The following DDC variants were observed in gnomAD, a reference collection of about 807,000 sequenced individuals.
The protein encoded by DDC is dopa decarboxylase.
In DDC, 43 loss-of-function variants were observed where a neutral mutation model predicts 60.0. That is an observed-to-expected ratio of 0.72 (90% CI 0.56 to 0.92). The LOEUF is 0.92. Ranked by LOEUF, DDC falls within the 40% of genes least tolerant of loss-of-function variation. The probability of loss-of-function intolerance (pLI) is 0.00; values close to 1 mark genes in which losing one functional copy is unlikely to be tolerated. For missense variants in DDC, 573 were observed against 620.2 expected (o/e 0.92, Z 0.81); for synonymous variants, 232 against 234.6 (o/e 0.99, Z 0.10).
chr7:50,470,279 T>A (rs2042500898), intron 11 of DDC, 108 bp from the exon 12 acceptor site: 1 of 827,922 alleles, frequency 1.2e-6, no homozygotes, highest in Admixed American at 1.8e-5. Flanking sequence ...GATTCCCTGG[T>A]GGCCAACCTG....
chr7:50,539,091 G>A (rs567559713), intron 3 of DDC: 1 of 152,482 alleles, frequency 6.6e-6, no homozygotes, highest in African/African-American at 2.4e-5. Flanking sequence ...ATTCCTAATT[G>A]ACAGCTCCTT....
chr7:50,487,089 G>A (rs1413895964), intron 9 of DDC, among the ~76,000 whole-genome samples: 1 of 152,132 alleles, frequency 6.6e-6, no homozygotes, highest in Non-Finnish European at 1.5e-5. Flanking sequence ...ATCTGCCTCT[G>A]CCTGGGTCTG....
chr7:50,539,903 C>A lies in DDC; in HGVS notation c.315+12G>T. On this transcript the variant is annotated intron_variant, in intron 3 of 14. Coordinates refer to ENST00000444124, the MANE Select transcript of DDC (RefSeq NM_001082971.2). ...GCCAGGACCCCTTCCCGAGGTGCAT[C>A]CGGACCCTCACCCAGGAGAAGCCGA... 6.2e-7 allele frequency: 1 copy of A among 1,608,856 alleles called. No individual in the cohort carries two copies. Among genetic ancestry groups the A allele is most frequent in the South Asian group, 1.1e-5 (1 of 90,876 alleles).
chr7:50,474,782 C>A (rs1473308823), intron 11 of DDC, among the ~76,000 whole-genome samples: 2 of 152,102 alleles, frequency 1.3e-5, no homozygotes, highest in Non-Finnish European at 2.9e-5. Flanking sequence ...TTATGTGAAC[C>A]AGAGATGGTG....
At position 50,528,304 on chromosome 7, in the gene DDC, G is replaced by C. The variant is rs768647747; in HGVS notation, c.571-24C>G. Reference sequence around the variant, plus strand: ...GCCTGGAAAGAAGACAGCAGAGTTGGATTTGTACAGGTGTGTGCATGCAGT... The same window carrying C: ...GCCTGGAAAGAAGACAGCAGAGTTGCATTTGTACAGGTGTGTGCATGCAGT... On this transcript the variant is annotated intron_variant, in intron 5 of 14. Coordinates refer to ENST00000444124, the MANE Select transcript of DDC (RefSeq NM_001082971.2). The C allele has an allele frequency of 6.2e-6, 10 of 1,613,810 alleles. No homozygotes were observed. In the South Asian group the frequency reaches 1.1e-4, roughly 18 times the overall value.
intron 10 of DDC, among the ~76,000 whole-genome samples, chr7:50,478,143 G>A (rs1248809843): frequency 6.6e-6 from 1 of 152,104 alleles, no homozygotes; most frequent in African/African-American, 2.4e-5. Context: ...AGCCTGGGAG[G>A]TGGAGGCTGC....
chr7:50,522,688 G>A (rs1451089988), intron 6 of DDC, among the ~76,000 whole-genome samples: 1 of 152,180 alleles, frequency 6.6e-6, no homozygotes, highest in Non-Finnish European at 1.5e-5. Flanking sequence ...TGGAACAACT[G>A]AACATCTGCA....
chr7:50,486,217 G>T (rs1390152590), intron 9 of DDC, among the ~76,000 whole-genome samples: 1 of 152,284 alleles, frequency 6.6e-6, no homozygotes, highest in East Asian at 1.9e-4. Context: ...GATCCCAGTG[G>T]GTTCTATGTG....
chr7:50,508,628 G>A (rs1021000985), intron 6 of DDC, among the ~76,000 whole-genome samples: 2 of 152,242 alleles, frequency 1.3e-5, no homozygotes, highest in Non-Finnish European at 2.9e-5. Context: ...CCTGCCAAAT[G>A]TGCCCCTTGC....
At chr7:50,554,794 CTG>C (rs1351489906) in intron 1 of DDC, among the ~76,000 whole-genome samples, 2 of 152,168 alleles carry the variant, frequency 1.3e-5, no homozygotes, top group Admixed American at 6.5e-5. Context: ...CATGAAGATT[CTG>C]TGTCACTGAG....
At chr7:50,482,858 C>T (rs1040255890) in intron 9 of DDC, among the ~76,000 whole-genome samples, 6 of 152,094 alleles carry the variant, frequency 3.9e-5, no homozygotes, top group African/African-American at 7.2e-5. Flanking sequence ...AAAAATGCAA[C>T]CTTAAAAATG....
intron 6 of DDC, among the ~76,000 whole-genome samples, chr7:50,509,970 T>C (rs892102366): frequency 1.4e-5 from 2 of 147,872 alleles, no homozygotes; most frequent in South Asian, 2.1e-4. Context: ...ATAAGATACT[T>C]ACGTATCTTT....
At chr7:50,541,577 G>T (rs142891880) in intron 2 of DDC, among the ~76,000 whole-genome samples, 2 of 152,186 alleles carry the variant, frequency 1.3e-5, no homozygotes, top group African/African-American at 2.4e-5. Context: ...CAGAGAGCTG[G>T]CTACCTCTTG....
chr7:50,476,791 C>G (rs923972534), intron 10 of DDC, 148 bp from the exon 11 acceptor site: 1 of 710,558 alleles, frequency 1.4e-6, no homozygotes, highest in Non-Finnish European at 2.5e-6. Context: ...GTGTTCTTTG[C>G]GGCACTTCCC....
chr7:50,502,078 G>GA (rs900782931), intron 7 of DDC, among the ~76,000 whole-genome samples: 23 of 150,084 alleles, frequency 1.5e-4, no homozygotes, highest in East Asian at 5.8e-4. Flanking sequence ...CAAAAATAAA[G>GA]AAAAAAAAAG....
chr7:50,537,371 T>C (rs374746046), intron 4 of DDC, among the ~76,000 whole-genome samples: 1 of 152,224 alleles, frequency 6.6e-6, no homozygotes, highest in African/African-American at 2.4e-5. Flanking sequence ...CTGGAAGCCA[T>C]GGGGCAAGCT....
At position 50,461,632 on chromosome 7, in the gene DDC, C is replaced by T. The variant is rs1175527901; in HGVS notation, c.*18+1581G>A. Reference sequence around the variant, plus strand: ...TACATGCTTATGAGACAGATGCAAACGTGGGGTTGCAGAAATGCGAGTCGG... The same window carrying T: ...TACATGCTTATGAGACAGATGCAAATGTGGGGTTGCAGAAATGCGAGTCGG... On this transcript the variant is annotated intron_variant, in intron 14 of 14. Transcript: ENST00000444124. Among the ~76,000 whole-genome samples, 7 of 152,172 alleles carry T rather than the reference C, an allele frequency of 4.6e-5. No homozygotes were observed. The East Asian group carries it at 9.6e-4, about 21-fold the overall frequency.
intron 6 of DDC, among the ~76,000 whole-genome samples, chr7:50,509,930 T>C (rs1235822965): frequency 6.6e-6 from 1 of 152,190 alleles, no homozygotes; most frequent in Non-Finnish European, 1.5e-5. Flanking sequence ...TTCTGATAAG[T>C]AAATTTTCTC....
At chr7:50,505,448 G>A (rs1428910596) in intron 6 of DDC, among the ~76,000 whole-genome samples, 1 of 152,222 alleles carries the variant, frequency 6.6e-6, no homozygotes, top group Non-Finnish European at 1.5e-5. Context: ...CCCCTGTAAA[G>A]TCTTAGCAAT....
Sources: gnomAD v4.1 joint callset for allele counts (sites outside exome capture counted in the v4.1 genomes callset) on GRCh38, gnomAD v4.1.1 for gene constraint, MANE v1.5 for transcripts, NCBI Gene and HGNC (gene_info 2026-07-23, HGNC 2026-07-21) for gene names.